The following RABGAP1 variants were observed in gnomAD, a reference collection of about 807,000 sequenced individuals.
RABGAP1 encodes the protein rab GTPase-activating protein 1.
In RABGAP1, 23 loss-of-function variants were observed where a neutral mutation model predicts 137.6. The ratio of observed to expected loss-of-function variants is 0.17; its 90% CI spans 0.12 to 0.24. The LOEUF is 0.24. RABGAP1 is among the 10% of genes least tolerant of loss of function. The probability of loss-of-function intolerance (pLI) is 1.00; values close to 1 mark genes in which losing one functional copy is unlikely to be tolerated. For synonymous variants in RABGAP1, 451 were observed against 450.7 expected (o/e 1.00, Z -0.01); for missense variants, 906 against 1,275.8 (o/e 0.71, Z 4.42).
chr9:123,082,153 TCTC>T (rs978220374), intron 19 of RABGAP1, among the ~76,000 whole-genome samples: 49 of 152,196 alleles, frequency 3.2e-4, no homozygotes, highest in Middle Eastern at 3.4e-3. Flanking sequence ...GCCTTTTACT[TCTC>T]CTATTCTCCC....
In RABGAP1 at chr9:122,944,477, A is replaced by G. The variant is rs1168534625; in HGVS notation, c.-50+3384A>G. On this transcript the variant is annotated intron_variant, in intron 1 of 25. Transcript: ENST00000373647. ...ACACCTGGCCTCAAGCAATCCTCCC[A>G]CTCTGGCCTCCCAACGTGACAACAC... is the stretch of plus-strand genomic sequence containing the variant. Among the ~76,000 whole-genome samples the G allele has an allele frequency of 6.0e-5, 9 of 150,218 alleles. No homozygotes were observed. In the East Asian group the frequency reaches 1.8e-3, roughly 29 times the overall value.
chr9:122,968,220 CTTTT>C (rs1008036959), intron 2 of RABGAP1, among the ~76,000 whole-genome samples: 1 of 122,894 alleles, frequency 8.1e-6, no homozygotes. Flanking sequence ...TCAATTCTAC[CTTTT>C]TTTTTTTTTT....
chr9:122,981,728 C>CT (rs1308197668), intron 2 of RABGAP1, among the ~76,000 whole-genome samples: 1 of 152,098 alleles, frequency 6.6e-6, no homozygotes, highest in East Asian at 1.9e-4. Flanking sequence ...AGTTGACTGT[C>CT]TTAAAAATAA....
chr9:122,961,999 C>T (rs1834879294), intron 2 of RABGAP1, among the ~76,000 whole-genome samples: 2 of 152,014 alleles, frequency 1.3e-5, no homozygotes, highest in Non-Finnish European at 2.9e-5. Flanking sequence ...TGGTTCTTCT[C>T]TCAACTTCTT....
At chr9:123,092,312 A>G (rs1391265686) in intron 21 of RABGAP1, among the ~76,000 whole-genome samples, 1 of 152,212 alleles carries the variant, frequency 6.6e-6, no homozygotes, top group Non-Finnish European at 1.5e-5. Context: ...TCCTGATATT[A>G]GGAGTGCAAA....
chr9:123,022,621 G>A (rs998606321), intron 13 of RABGAP1, among the ~76,000 whole-genome samples: 5 of 152,048 alleles, frequency 3.3e-5, no homozygotes, highest in Middle Eastern at 3.4e-3. Flanking sequence ...TGGCCAGGCT[G>A]GTCTCGAACT....
intron 2 of RABGAP1, among the ~76,000 whole-genome samples, chr9:122,973,673 C>A (rs1051078531): frequency 6.6e-6 from 1 of 152,074 alleles, no homozygotes; most frequent in Non-Finnish European, 1.5e-5. Flanking sequence ...TCAGTAATGC[C>A]GAAACTAATC....
At chr9:123,097,978 C>T in intron 22 of RABGAP1, 133 bp downstream of exon 22, 2 of 689,330 alleles carry the variant, frequency 2.9e-6, no homozygotes, top group East Asian at 2.8e-5. Context: ...TTTTTTTTTC[C>T]CCCTACTGTG....
chr9:122,974,024 A>T (rs1366719529), intron 2 of RABGAP1, among the ~76,000 whole-genome samples: 1 of 150,948 alleles, frequency 6.6e-6, no homozygotes, highest in African/African-American at 2.4e-5. Context: ...AAAAAAAAAG[A>T]AAAAAAGAAC....
chr9:122,983,951 C>T (rs893319303), intron 2 of RABGAP1, among the ~76,000 whole-genome samples: 2 of 152,154 alleles, frequency 1.3e-5, no homozygotes, highest in Admixed American at 6.5e-5. Flanking sequence ...TCAAGTGTTT[C>T]AGAACTTTCA....
intron 2 of RABGAP1, among the ~76,000 whole-genome samples, chr9:122,968,220 CTTTTTTTTTT>C (rs1008036959): frequency 1.5e-4 from 19 of 122,896 alleles, no homozygotes; most frequent in African/African-American, 4.7e-4. Flanking sequence ...TCAATTCTAC[CTTTTTTTTTT>C]TTTTTTTTTT....
At chr9:123,088,457 A>G (rs1400747046) in intron 19 of RABGAP1, among the ~76,000 whole-genome samples, 1 of 152,126 alleles carries the variant, frequency 6.6e-6, no homozygotes, top group Non-Finnish European at 1.5e-5. Flanking sequence ...GCCATAGGGA[A>G]TGGCTAGCTG....
chr9:123,019,332 AT>A (rs554929041), intron 12 of RABGAP1, among the ~76,000 whole-genome samples: 4 of 150,306 alleles, frequency 2.7e-5, no homozygotes, highest in Admixed American at 6.7e-5. Flanking sequence ...ATTCTTGTCA[AT>A]TTTTTTTTTC....
rs2131900811 is a variant in RABGAP1, at chr9:123,015,619, A to G, written c.1626A>G (p.Gly542=). The part of the protein sequence containing the change: ...ECAEKILETW[G]ELLSKWHLNL... ...CAGAAAAAATTCTTGAAACATGGGG[A>G]GAACTGTTGTCAAAATGGTAAGTTA... The change falls in exon 12 of 26, where the codon GGA becomes GGG. Residue 542 remains glycine (G), a synonymous_variant. Coordinates refer to ENST00000373647, the MANE Select transcript of RABGAP1 (RefSeq NM_012197.4). 1.2e-6 allele frequency: 2 copies of G among 1,609,442 alleles called. No homozygotes were observed. Among genetic ancestry groups the G allele is most frequent in the East Asian group, 4.5e-5 (2 of 44,748 alleles).
rs3214358 is a variant in RABGAP1 at position 123,065,473 on chromosome 9, C to CAA, written c.1908+22_1908+23dup. On this transcript the variant is annotated intron_variant, in intron 14 of 25. Coordinates refer to ENST00000373647, the MANE Select transcript of RABGAP1 (RefSeq NM_012197.4). The stretch of plus-strand genomic sequence containing the variant: ...ATAAAATATGCAAGGTATTTCATGT[C>CAA]AAAAAAAAAAAGGACTCAATTCTGA... The CAA allele has an allele frequency of 7.1e-5, 82 of 1,161,710 alleles. No homozygotes were observed. Among genetic ancestry groups the CAA allele is most frequent in the African/African-American group, 1.2e-4 (7 of 59,864 alleles). 72.0% of individuals were successfully genotyped at this position (1,161,710 alleles called of 1,614,324 possible). A position where few individuals can be genotyped will look rare whatever the true frequency, so the allele number is the denominator to read the frequency against.
intron 1 of RABGAP1, among the ~76,000 whole-genome samples, chr9:122,944,172 A>G (rs1444367288): frequency 6.6e-6 from 1 of 152,148 alleles, no homozygotes; most frequent in African/African-American, 2.4e-5. Flanking sequence ...TTGTAATTTC[A>G]ATATAATCAG....
At chr9:122,996,012 C>A in intron 6 of RABGAP1, 29 bp from the exon 7 acceptor site, 1 of 1,547,166 alleles carries the variant, frequency 6.5e-7, no homozygotes, top group Non-Finnish European at 8.7e-7. Context: ...AAATGCTTTG[C>A]AAAATTAATG....
At chr9:122,960,223 C>T (rs1288579193) in intron 2 of RABGAP1, among the ~76,000 whole-genome samples, 1 of 152,166 alleles carries the variant, frequency 6.6e-6, no homozygotes, top group African/African-American at 2.4e-5. Flanking sequence ...AATCTCAACC[C>T]TTGACCTCTG....
At chr9:122,934,989 T>A in the RABGAP1 span, among the ~76,000 whole-genome samples, 3 of 152,252 alleles carry the variant, frequency 2.0e-5, no homozygotes, top group Non-Finnish European at 4.4e-5. Flanking sequence ...CATTTAGATT[T>A]AAAGTAATTA....
Sources: allele counts gnomAD v4.1 joint callset (sites outside exome capture counted in the v4.1 genomes callset), GRCh38; gene constraint gnomAD v4.1.1; transcripts MANE v1.5; gene names NCBI Gene and HGNC (gene_info 2026-07-23, HGNC 2026-07-21).